Variants in PROSER1 observed in about 807,000 individuals in gnomAD.
PROSER1 encodes proline and serine rich 1.
PROSER1 carries 36 observed loss-of-function variants against 71.8 expected under a neutral mutation model. The ratio of observed to expected loss-of-function variants is 0.50; its 90% CI spans 0.38 to 0.66. The LOEUF is 0.66. Among genes scored for constraint, PROSER1 ranks in the 30% least tolerant of loss-of-function variants. The probability of loss-of-function intolerance (pLI) is 0.00; values close to 1 mark genes in which losing one functional copy is unlikely to be tolerated. For missense variants in PROSER1, 1,107 were observed against 1,135.0 expected (o/e 0.98, Z 0.35); for synonymous variants, 490 against 452.4 (o/e 1.08, Z -1.06).
rs563285314 is a variant in PROSER1 at position 39,027,973 on chromosome 13, G to A, written c.369+254C>T. ...CATGGCAAAGGTACCAAGGGACCAA[G>A]ACACAAACATTTCCATGAGGCTCAA... On this transcript the variant is annotated intron_variant, in intron 5 of 12. Transcript: ENST00000352251. Among the ~76,000 whole-genome samples, 46 of 152,192 alleles carry A rather than the reference G, an allele frequency of 3.0e-4. 1 individual carries two copies. In the South Asian group the frequency reaches 8.9e-3, roughly 30 times the overall value.
intron 9 of PROSER1, 134 bp downstream of exon 9, chr13:39,022,192 A>T: frequency 1.5e-6 from 1 of 663,806 alleles, no homozygotes; most frequent in Non-Finnish European, 2.7e-6. Context: ...ATTACCAAGG[A>T]TTCACTTCCA....
intron 7 of PROSER1, 127 bp from the exon 8 acceptor site, chr13:39,023,257 C>A: frequency 1.6e-6 from 1 of 634,768 alleles, no homozygotes; most frequent in Non-Finnish European, 2.8e-6. Context: ...TACTGGACTA[C>A]ATGGGACAAC....
At chr13:39,022,002 CACTAG>C (rs1309617852) in intron 9 of PROSER1, among the ~76,000 whole-genome samples, 7 of 152,166 alleles carry the variant, frequency 4.6e-5, no homozygotes, top group African/African-American at 1.7e-4. Flanking sequence ...TGTATTTTTT[CACTAG>C]ACTAAACTCT....
At position 39,013,596 on chromosome 13, in the gene PROSER1, G is replaced by T; in HGVS notation, c.1656C>A (p.Pro552=). Residue 552 remains proline, a synonymous_variant, in exon 11 of 13, where the codon CCC becomes CCA. Transcript: ENST00000352251. The part of the protein sequence containing the change: ...PSPVANSTST[P]LTLPVQSPLA... The stretch of plus-strand genomic sequence containing the variant: ...AAGGAGACTGTACAGGCAATGTCAG[G>T]GGAGTGGAAGTTGAGTTAGCCACGG... The T allele has an allele frequency of 6.2e-7, 1 of 1,614,172 alleles. No homozygotes were observed. Among genetic ancestry groups the T allele is most frequent in the Non-Finnish European group, 8.5e-7 (1 of 1,180,032 alleles).
At chr13:39,024,706 G>A (rs2138120541) in intron 6 of PROSER1, 150 bp from the exon 7 acceptor site, 1 of 612,308 alleles carries the variant, frequency 1.6e-6, no homozygotes, top group East Asian at 2.7e-5. Context: ...GCACTGGCTG[G>A]CGGCATGACC....
Position 39,023,241 on chromosome 13 carries a change from T to G in PROSER1, c.565-111A>C, listed in dbSNP as rs1870386698. 7 of 767,442 alleles carry G rather than the reference T, an allele frequency of 9.1e-6. No individual in the cohort carries two copies. In the East Asian group the frequency reaches 1.8e-4, roughly 20 times the overall value. 47.5% of individuals were successfully genotyped at this position (767,442 alleles called of 1,614,324 possible). Reference sequence around the variant, plus strand: ...AATATGCTAAAAATGTCCCCGCATATCATACTACTGGACTACATGGGACAA... The same window carrying G: ...AATATGCTAAAAATGTCCCCGCATAGCATACTACTGGACTACATGGGACAA... On this transcript the variant is annotated intron_variant, in intron 7 of 12. Transcript: ENST00000352251.
intron 1 of PROSER1, among the ~76,000 whole-genome samples, chr13:39,035,507 T>C (rs949170354): frequency 1.3e-5 from 2 of 152,154 alleles, no homozygotes; most frequent in Non-Finnish European, 2.9e-5. Flanking sequence ...GTAAGGAGAA[T>C]CAAAACAAAT....
At chr13:39,033,015 G>A (rs1249223091) in intron 2 of PROSER1, among the ~76,000 whole-genome samples, 1 of 152,072 alleles carries the variant, frequency 6.6e-6, no homozygotes, top group African/African-American at 2.4e-5. Context: ...CTGCCTCCTG[G>A]GTTCAAGCAA....
chr13:39,038,039 C>G lies in PROSER1; in HGVS notation c.-797G>C, dbSNP rs1384814516. Reference sequence around the variant, plus strand: ...CATGGGGACCTACAATAAAGCCAGTCGCGCCCAAGTAAACTCAACACTGCG... The same window carrying G: ...CATGGGGACCTACAATAAAGCCAGTGGCGCCCAAGTAAACTCAACACTGCG... On this transcript the variant is annotated 5_prime_UTR_variant, in exon 1 of 13. Coordinates refer to ENST00000352251, the MANE Select transcript of PROSER1 (RefSeq NM_025138.5). 1 of 153,050 alleles carries G rather than the reference C, an allele frequency of 6.5e-6. No homozygotes were observed. The highest frequency in any genetic ancestry group is 2.0e-4 in the South Asian group (1 of 4,932). 9.5% of individuals were successfully genotyped at this position (153,050 alleles called of 1,614,324 possible).
rs1286159517 is a variant in PROSER1, at chr13:39,014,087, T to A, written c.1165A>T (p.Thr389Ser). 2 of 1,613,888 alleles carry A rather than the reference T, an allele frequency of 1.2e-6. No individual in the cohort carries two copies. The highest frequency in any genetic ancestry group is 1.7e-5 in the Admixed American group (1 of 59,998). ...TPTPGPTPRS[T>S]LGSSEAFAST... is the part of the protein sequence containing the mutation. The stretch of plus-strand genomic sequence containing the variant: ...GCAAATGCTTCACTGGAACCAAGAG[T>A]GGACCGTGGTGTAGGTCCTGGGGTA... The change falls in exon 11 of 13, where the codon ACT becomes TCT. Residue 389 changes from threonine (T) to serine (S), a missense_variant. By Grantham distance (58) the Thr-to-Ser change is moderately conservative (BLOSUM62 1). Transcript: ENST00000352251.
rs201134593 is a variant in PROSER1 at position 39,013,712 on chromosome 13, C to A, written c.1540G>T (p.Ala514Ser). 1.2e-6 allele frequency: 2 copies of A among 1,614,096 alleles called. No homozygotes were observed. The highest frequency in any genetic ancestry group is 2.2e-5 in the South Asian group (2 of 91,080). Residue 514 changes from alanine to serine, a missense_variant, in exon 11 of 13, where the codon GCC (alanine) becomes TCC (serine). Ala to Ser is a moderately conservative substitution (Grantham distance 99). Coordinates refer to ENST00000352251, the MANE Select transcript of PROSER1 (RefSeq NM_025138.5). ...TLQNSDSSAS[A>S]PNKCYAPSAI... Reference sequence around the variant, plus strand: ...GATGGGGCATAGCACTTGTTAGGGGCTGAAGCAGAAGAGTCAGAGTTCTGA... The same window carrying A: ...GATGGGGCATAGCACTTGTTAGGGGATGAAGCAGAAGAGTCAGAGTTCTGA...
intron 1 of PROSER1, among the ~76,000 whole-genome samples, chr13:39,036,652 A>G (rs115798155): frequency 6.6e-6 from 1 of 152,204 alleles, no homozygotes; most frequent in Non-Finnish European, 1.5e-5. Context: ...AGCAGGAGAA[A>G]AAAGTTTTGA....
At chr13:39,027,871 A>C (rs2138126013) in intron 5 of PROSER1, among the ~76,000 whole-genome samples, 1 of 152,332 alleles carries the variant, frequency 6.6e-6, no homozygotes, top group East Asian at 1.9e-4. Flanking sequence ...AATCCGATTT[A>C]AAATAAACTG....
intron 1 of PROSER1, among the ~76,000 whole-genome samples, chr13:39,035,899 T>C (rs1201353385): frequency 6.6e-6 from 1 of 152,226 alleles, no homozygotes; most frequent in African/African-American, 2.4e-5. Flanking sequence ...AGAAGATATA[T>C]TTTAACTGCT....
intron 1 of PROSER1, 78 bp downstream of exon 1, chr13:39,037,120 C>A (rs1871151493): frequency 1.8e-6 from 2 of 1,103,474 alleles, no homozygotes; most frequent in East Asian, 2.4e-5. Flanking sequence ...TCTGCACAAT[C>A]TCCATACAGT....
chr13:39,029,480 T>G (rs1352184493), intron 3 of PROSER1, 105 bp from the exon 4 acceptor site: 7 of 544,088 alleles, frequency 1.3e-5, no homozygotes, highest in Non-Finnish European at 2.2e-5. Flanking sequence ...ACATTTTAGA[T>G]AAAATATATC....
At chr13:39,031,120 A>G (rs1870819277) in intron 3 of PROSER1, among the ~76,000 whole-genome samples, 1 of 152,230 alleles carries the variant, frequency 6.6e-6, no homozygotes, top group Non-Finnish European at 1.5e-5. Context: ...TGAACTAATT[A>G]CAATTAAATA....
rs147996379 is a variant in PROSER1 at position 39,015,008 on chromosome 13, C to A, written c.776-532G>T. On this transcript the variant is annotated intron_variant, in intron 10 of 12. Coordinates refer to ENST00000352251, the MANE Select transcript of PROSER1 (RefSeq NM_025138.5). ...CATCTGTACAGTTGCCCCGCCCCAC[C>A]CCCATACATTTGCTCATACTGACCG... is the stretch of plus-strand genomic sequence containing the variant. 5.6e-3 allele frequency among the ~76,000 whole-genome samples: 855 copies of A among 151,398 alleles called. 6 individuals carry two copies. The Middle Eastern group carries it at 0.058, about 10-fold the overall frequency.
rs757894887 is a variant in PROSER1, at chr13:39,012,698, G to A, written c.2554C>T (p.Gln852Ter). The change falls in exon 11 of 13, where the codon CAA becomes TAA. Residue 852 changes from glutamine (Q) to a stop codon, truncating the protein, a stop_gained. Transcript: ENST00000352251. LOFTEE classifies it high-confidence loss of function. ...SSNFNSALVA[Q>*]AGLSSGLQAA... ...TCCAAACTATCCACATACCCGGCTT[G>A]TGCAACAAGAGCGGAGTTGAAATTG... is the stretch of plus-strand genomic sequence containing the variant. The A allele has an allele frequency of 6.4e-7, 1 of 1,573,036 alleles. No individual in the cohort carries two copies. Among genetic ancestry groups the A allele is most frequent in the Non-Finnish European group, 8.6e-7 (1 of 1,160,500 alleles).
Sources: gnomAD v4.1 joint callset for allele counts (sites outside exome capture counted in the v4.1 genomes callset) on GRCh38, gnomAD v4.1.1 for gene constraint, MANE v1.5 for transcripts, NCBI Gene and HGNC (gene_info 2026-07-23, HGNC 2026-07-21) for gene names.